The following GMDS variants were observed in gnomAD, a reference collection of about 807,000 sequenced individuals.
GMDS encodes GDP-mannose 4,6-dehydratase, also known as GDP-mannose 4,6 dehydratase.
Under a neutral mutation model 49.9 loss-of-function variants are expected in GMDS, and 20 were observed. The ratio of observed to expected loss-of-function variants is 0.40; its 90% CI spans 0.28 to 0.58. The LOEUF (loss-of-function observed/expected upper bound fraction) is 0.58, where lower values mean the gene tolerates loss of function less well. Ranked by LOEUF, GMDS falls within the 20% of genes least tolerant of loss-of-function variation. GMDS has a pLI of 0.42. For missense variants in GMDS, 362 were observed against 481.4 expected, an observed-to-expected ratio of 0.75 and a Z score of 2.32; for synonymous variants, 177 against 178.6, an observed-to-expected ratio of 0.99 and a Z score of 0.07.
chr6:2,057,455 C>G (rs1248133744), intron 4 of GMDS, among the ~76,000 whole-genome samples: 1 of 152,144 alleles, frequency 6.6e-6, no homozygotes, highest in Non-Finnish European at 1.5e-5. Context: ...TCTTCTTTTT[C>G]CAAGTACATC....
chr6:2,027,908 T>C (rs1365521971), intron 4 of GMDS, among the ~76,000 whole-genome samples: 1 of 152,172 alleles, frequency 6.6e-6, no homozygotes, highest in Non-Finnish European at 1.5e-5. Flanking sequence ...TATAAACTCA[T>C]TGCCACTGCA....
At chr6:1,929,552 C>T (rs752168008) in intron 7 of GMDS, among the ~76,000 whole-genome samples, 3 of 152,318 alleles carry the variant, frequency 2.0e-5, no homozygotes, top group Non-Finnish European at 2.9e-5. Context: ...ACAATAGAAT[C>T]ATTATTAACA....
chr6:1,697,948 G>A (rs2113355228), intron 9 of GMDS, among the ~76,000 whole-genome samples: 1 of 152,336 alleles, frequency 6.6e-6, no homozygotes. Context: ...GACGATCAAG[G>A]TTAAAGTATC....
At chr6:1,776,622 G>A (rs1768846727) in intron 7 of GMDS, among the ~76,000 whole-genome samples, 1 of 152,146 alleles carries the variant, frequency 6.6e-6, no homozygotes, top group African/African-American at 2.4e-5. Flanking sequence ...GGAGGCTGCA[G>A]TGAGCTATGA....
intron 4 of GMDS, among the ~76,000 whole-genome samples, chr6:2,033,473 C>A (rs894854378): frequency 1.3e-5 from 2 of 152,198 alleles, no homozygotes; most frequent in African/African-American, 4.8e-5. Flanking sequence ...AGGCATAGGA[C>A]AAATCCTTCA....
chr6:1,896,873 T>C lies in GMDS; in HGVS notation c.771+33230A>G, dbSNP rs535316145. ...AGGTTACAAATCACAGGTGATATAA[T>C]AGGGATGAACAGGGAGACAGGGATT... is the stretch of plus-strand genomic sequence containing the variant. On this transcript the variant is annotated intron_variant, in intron 7 of 10. Coordinates refer to ENST00000380815, the MANE Select transcript of GMDS (RefSeq NM_001500.4). Among the ~76,000 whole-genome samples, 17 of 152,174 alleles carry C rather than the reference T, an allele frequency of 1.1e-4. No individual in the cohort carries two copies. The South Asian group carries it at 2.7e-3, about 24-fold the overall frequency.
At chr6:2,103,816 T>C (rs1172331951) in intron 4 of GMDS, among the ~76,000 whole-genome samples, 1 of 152,254 alleles carries the variant, frequency 6.6e-6, no homozygotes, top group Non-Finnish European at 1.5e-5. Context: ...TCATCTTTTA[T>C]AGTGATTATG....
At position 1,956,407 on chromosome 6, in the gene GMDS, G is replaced by C. The variant is rs528058940; in HGVS notation, c.643+3460C>G. 2.6e-5 allele frequency among the ~76,000 whole-genome samples: 4 copies of C among 152,326 alleles called. No individual in the cohort carries two copies. The East Asian group carries it at 7.7e-4, about 29-fold the overall frequency. On this transcript the variant is annotated intron_variant, in intron 6 of 10. Coordinates refer to ENST00000380815, the MANE Select transcript of GMDS (RefSeq NM_001500.4). ...CAACTTCTGGTTTAGCCTATTGTTA[G>C]ATTAAAAAATACTTTTCCCCACTTT...
chr6:2,068,194 G>A (rs1025783654), intron 4 of GMDS, among the ~76,000 whole-genome samples: 125 of 152,110 alleles, frequency 8.2e-4, no homozygotes, highest in African/African-American at 2.8e-3. Context: ...ATGCAGAAAA[G>A]GCCTTTGACA....
chr6:2,059,197 A>G (rs1770971591), intron 4 of GMDS, among the ~76,000 whole-genome samples: 1 of 150,336 alleles, frequency 6.7e-6, no homozygotes, highest in African/African-American at 2.5e-5. Flanking sequence ...AAAAAAAAAA[A>G]AAAAAAAAGT....
chr6:1,933,848 C>A (rs1249014948), intron 6 of GMDS, among the ~76,000 whole-genome samples: 1 of 152,184 alleles, frequency 6.6e-6, no homozygotes, highest in East Asian at 1.9e-4. Context: ...GTTGTGCTCT[C>A]TGAAGCATAA....
At chr6:1,811,904 C>T (rs1770445646) in intron 7 of GMDS, among the ~76,000 whole-genome samples, 1 of 152,180 alleles carries the variant, frequency 6.6e-6, no homozygotes, top group Non-Finnish European at 1.5e-5. Flanking sequence ...GCTCTGTTTT[C>T]ATATTAGAAT....
chr6:1,939,777 T>C (rs1212824065), intron 6 of GMDS, among the ~76,000 whole-genome samples: 4 of 152,188 alleles, frequency 2.6e-5, no homozygotes, highest in Admixed American at 2.6e-4. Flanking sequence ...CTTTAAGACA[T>C]GAATAATAGC....
chr6:1,858,968 G>GT (rs996509351), intron 7 of GMDS, among the ~76,000 whole-genome samples: 1 of 151,724 alleles, frequency 6.6e-6, no homozygotes, highest in African/African-American at 2.4e-5. Flanking sequence ...TGTGTTTTGG[G>GT]GGGGGCAGGC....
At chr6:2,115,722 C>T in intron 4 of GMDS, 49 bp downstream of exon 4, 4 of 945,752 alleles carry the variant, frequency 4.2e-6, no homozygotes, top group Admixed American at 3.4e-5. Flanking sequence ...AAGTAAAATA[C>T]AGAACGCCAC....
intron 1 of GMDS, among the ~76,000 whole-genome samples, chr6:2,192,395 A>C (rs1411552173): frequency 6.6e-6 from 1 of 152,198 alleles, no homozygotes; most frequent in Non-Finnish European, 1.5e-5. Flanking sequence ...GTCACAAGAC[A>C]AGAACTCAGG....
At chr6:2,171,431 A>C (rs1045214887) in intron 1 of GMDS, among the ~76,000 whole-genome samples, 5 of 152,240 alleles carry the variant, frequency 3.3e-5, no homozygotes, top group African/African-American at 1.2e-4. Flanking sequence ...CTACCCGAAC[A>C]GACAAGCAAA....
At chr6:1,978,763 T>C (rs1765060814) in intron 4 of GMDS, among the ~76,000 whole-genome samples, 2 of 152,128 alleles carry the variant, frequency 1.3e-5, no homozygotes, top group Admixed American at 1.3e-4. Flanking sequence ...CAGATTGTTT[T>C]TTTAAGTGGG....
chr6:1,930,251 T>G, intron 6 of GMDS, 21 bp from the exon 7 acceptor site: 1 of 1,608,930 alleles, frequency 6.2e-7, no homozygotes, highest in Non-Finnish European at 8.5e-7. Flanking sequence ...GCAAAAGATG[T>G]AGTATCAGTC....
Sources: allele counts gnomAD v4.1 joint callset (sites outside exome capture counted in the v4.1 genomes callset), GRCh38; gene constraint gnomAD v4.1.1; transcripts MANE v1.5; gene names NCBI Gene and HGNC (gene_info 2026-07-23, HGNC 2026-07-21).